Variants in HEXB observed in about 807,000 individuals in gnomAD.
The protein encoded by HEXB is hexosaminidase subunit beta.
Under a neutral mutation model 71.2 loss-of-function variants are expected in HEXB, and 51 were observed. That is an observed-to-expected ratio of 0.72 (90% CI 0.57 to 0.90). HEXB has a LOEUF of 0.90. HEXB is among the 40% of genes least tolerant of loss of function. The pLI is 0.00. For synonymous variants in HEXB, 266 were observed against 249.3 expected (o/e 1.07, Z -0.63); for missense variants, 617 against 677.0 (o/e 0.91, Z 0.98).
rs1490723018 is a variant in HEXB, at chr5:74,715,636, T to G, written c.1028T>G (p.Val343Gly). ...ACATTTTTCAAAGAAATTAGTGAGG[T>G]GTTTCCAGATCAATTCATTCATTTG... is the stretch of plus-strand genomic sequence containing the variant. ...LTTFFKEISE[V>G]FPDQFIHLGG... Residue 343 changes from valine to glycine, a missense_variant, in exon 8 of 14, where the codon GTG becomes GGG. Physicochemically the swap from Val to Gly is moderately radical, Grantham distance 109. Transcript: ENST00000261416. 1 of 1,610,032 alleles carries G rather than the reference T, an allele frequency of 6.2e-7. No individual in the cohort carries two copies.
In HEXB at chr5:74,713,548, C is replaced by G; in HGVS notation, c.814C>G (p.Arg272Gly). 6.2e-7 allele frequency: 1 copy of G among 1,610,930 alleles called. No individual in the cohort carries two copies. The highest frequency in any genetic ancestry group is 8.5e-7 in the Non-Finnish European group (1 of 1,177,132). ...LSHVYTPNDV[R>G]MVIEYARLRG... Reference sequence around the variant, plus strand: ...TCATGTTTATACACCAAATGATGTCCGTATGGTGATTGAATATGCCAGATT... The same window carrying G: ...TCATGTTTATACACCAAATGATGTCGGTATGGTGATTGAATATGCCAGATT... Residue 272 changes from arginine to glycine, a missense_variant, in exon 7 of 14, where the codon CGT (arginine) becomes GGT (glycine). Physicochemically the swap from Arg to Gly is moderately radical, Grantham distance 125. Coordinates refer to ENST00000261416, the MANE Select transcript of HEXB (RefSeq NM_000521.4).
intron 4 of HEXB, 63 bp from the exon 5 acceptor site, chr5:74,696,933 T>G: frequency 1.1e-6 from 1 of 882,184 alleles, no homozygotes; most frequent in Non-Finnish European, 1.9e-6. Flanking sequence ...ATAGATTTAG[T>G]CTTCATTGAG....
intron 1 of HEXB, among the ~76,000 whole-genome samples, chr5:74,673,560 T>C (rs572714017): frequency 1.3e-5 from 2 of 152,132 alleles, no homozygotes; most frequent in Admixed American, 1.3e-4. Context: ...CTCCTCCCAG[T>C]GTGTCCTCCG....
intron 3 of HEXB, among the ~76,000 whole-genome samples, chr5:74,694,885 G>T (rs1749077721): frequency 6.6e-6 from 1 of 152,030 alleles, no homozygotes; most frequent in African/African-American, 2.4e-5. Flanking sequence ...CAGGAGAATT[G>T]CTTGAACCTG....
In HEXB at chr5:74,720,643, G is replaced by A. The variant is rs763385278; in HGVS notation, c.1509G>A (p.Trp503Ter). ...VDATNLTPRL[W>*]PRASAVGERL... Reference sequence around the variant, plus strand: ...GGGGGATGTGTGATTTAAATTTTAGGCCTCGGGCAAGTGCTGTTGGTGAGA... The same window carrying A: ...GGGGGATGTGTGATTTAAATTTTAGACCTCGGGCAAGTGCTGTTGGTGAGA... The change falls in exon 13 of 14, where the codon TGG (tryptophan) becomes TGA (stop). Residue 503 changes from tryptophan (W) to a stop codon, truncating the protein, a stop_gained and splice_region_variant. Transcript: ENST00000261416. LOFTEE classifies it high-confidence loss of function. 6.2e-7 allele frequency: 1 copy of A among 1,613,854 alleles called. No homozygotes were observed. The highest frequency in any genetic ancestry group is 8.5e-7 in the Non-Finnish European group (1 of 1,179,806).
intron 2 of HEXB, among the ~76,000 whole-genome samples, chr5:74,690,399 C>T (rs1362531620): frequency 6.6e-6 from 1 of 152,050 alleles, no homozygotes; most frequent in Non-Finnish European, 1.5e-5. Flanking sequence ...CCTGTAATCC[C>T]AGCACTTTGG....
chr5:74,665,414 CTG>C (rs34012729), intron 1 of HEXB, among the ~76,000 whole-genome samples: 38,541 of 149,418 alleles, frequency 0.26, 5,100 homozygotes, highest in South Asian at 0.32. Context: ...ACACTTTTCT[CTG>C]TGTGTGTGTG....
intron 1 of HEXB, among the ~76,000 whole-genome samples, chr5:74,642,072 T>G (rs1457773515): frequency 2.6e-5 from 4 of 152,214 alleles, no homozygotes; most frequent in Non-Finnish European, 5.9e-5. Context: ...AGGCCCCACA[T>G]GGCGCTTCCA....
At chr5:74,684,308 G>C (rs1224598648), upstream of HEXB, among the ~76,000 whole-genome samples, 2 of 152,298 alleles carry the variant, frequency 1.3e-5, no homozygotes, top group East Asian at 3.9e-4. Context: ...CTTAGGGATG[G>C]GTTATGAAAT....
intron 6 of HEXB, among the ~76,000 whole-genome samples, chr5:74,708,250 T>C (rs1333698823): frequency 5.9e-5 from 9 of 151,906 alleles, no homozygotes; most frequent in Non-Finnish European, 1.2e-4. Flanking sequence ...TGAGAGATTT[T>C]GTCACCACCA....
chr5:74,720,429 T>A lies in HEXB; in HGVS notation c.1419T>A (p.Gly473=). Residue 473 remains glycine, a splice_region_variant and synonymous_variant, in exon 12 of 14, where the codon GGT becomes GGA. Coordinates refer to ENST00000261416, the MANE Select transcript of HEXB (RefSeq NM_000521.4). ...CTTAATTCAATGATTTTAATTTAGG[T>A]ACTCAGAAACAGAAACAACTTTTCA... ...YYKVEPLDFG[G]TQKQKQLFIG... 2.5e-6 allele frequency: 4 copies of A among 1,597,744 alleles called. No homozygotes were observed. Among genetic ancestry groups the A allele is most frequent in the Middle Eastern group, 1.7e-4 (1 of 6,026 alleles).
intron 2 of HEXB, among the ~76,000 whole-genome samples, chr5:74,693,302 A>G (rs3733791): frequency 0.23 from 35,350 of 152,102 alleles, 4,682 homozygotes; most frequent in African/African-American, 0.35. Flanking sequence ...TAACTCTTTT[A>G]GGAAAATGAG....
intron 7 of HEXB, among the ~76,000 whole-genome samples, chr5:74,714,651 C>G (rs1024255503): frequency 6.6e-6 from 1 of 152,184 alleles, no homozygotes; most frequent in African/African-American, 2.4e-5. Flanking sequence ...GGGCAAGTTA[C>G]AATATCTCAT....
At chr5:74,688,993 T>C (rs762380261) in intron 1 of HEXB, among the ~76,000 whole-genome samples, 4 of 152,216 alleles carry the variant, frequency 2.6e-5, no homozygotes, top group Admixed American at 6.5e-5. Context: ...CTGGTCAGAA[T>C]TGGTTTTTCA....
chr5:74,711,517 A>G (rs972014098), intron 6 of HEXB, among the ~76,000 whole-genome samples: 4 of 152,236 alleles, frequency 2.6e-5, no homozygotes, highest in Non-Finnish European at 5.9e-5. Flanking sequence ...TATGGGAGAA[A>G]ATTTTCGCAA....
intron 1 of HEXB, 121 bp downstream of exon 1, chr5:74,685,680 A>G (rs1748851980): frequency 3.5e-6 from 3 of 863,774 alleles, no homozygotes; most frequent in Non-Finnish European, 5.2e-6. Flanking sequence ...GGGAGCTGGC[A>G]GGCGATCTGC....
chr5:74,692,725 A>G (rs1749030993), intron 2 of HEXB, among the ~76,000 whole-genome samples: 1 of 152,196 alleles, frequency 6.6e-6, no homozygotes, highest in South Asian at 2.1e-4. Flanking sequence ...GTAGAAGGTG[A>G]TAAACCACCC....
At chr5:74,664,798 A>G (rs1368296405) in intron 1 of HEXB, among the ~76,000 whole-genome samples, 1 of 152,198 alleles carries the variant, frequency 6.6e-6, no homozygotes, top group East Asian at 1.9e-4. Context: ...GTATCAAGCT[A>G]AGGAGACAAT....
In HEXB at chr5:74,652,177, A is replaced by G. The variant is rs918381434; in HGVS notation, c.-377+11619A>G. 6.6e-6 allele frequency among the ~76,000 whole-genome samples: 1 copy of G among 152,238 alleles called. No individual in the cohort carries two copies. Among genetic ancestry groups the G allele is most frequent in the African/African-American group, 2.4e-5 (1 of 41,460 alleles). The stretch of plus-strand genomic sequence containing the variant: ...CAACCATAAATAATAATTAATGTCC[A>G]TTTAGAGTCACAGTGGTTTACCTCT... On this transcript the variant is annotated intron_variant, in intron 1 of 13. Coordinates refer to the HEXB transcript ENST00000511181. The surrounding 1 kb of genome is among the most constrained non-coding windows in gnomAD (Gnocchi z 5.4).
Sources: allele counts gnomAD v4.1 joint callset (sites outside exome capture counted in the v4.1 genomes callset), GRCh38; gene constraint gnomAD v4.1.1; non-coding constraint Gnocchi (gnomAD v3.1); transcripts MANE v1.5; gene names NCBI Gene and HGNC (gene_info 2026-07-23, HGNC 2026-07-21).